Variants in OR7D4 observed in about 807,000 individuals in gnomAD.
OR7D4 encodes olfactory receptor 7D4.
For synonymous variants in OR7D4, 154 were observed against 158.4 expected (o/e 0.97, Z 0.21); for missense variants, 319 against 377.1 (o/e 0.85, Z 1.27).
intron 1 of OR7D4, among the ~76,000 whole-genome samples, chr19:9,218,772 G>A (rs1371937032): frequency 1.3e-5 from 2 of 152,164 alleles, no homozygotes; most frequent in African/African-American, 2.4e-5. Context: ...GGGATTGCAG[G>A]TGTAAGCTAA....
rs2051172678 is a variant in OR7D4, at chr19:9,211,609, C to G, written c.*2290G>C. 6.6e-6 allele frequency: 1 copy of G among 152,030 alleles called. No homozygotes were observed. The highest frequency in any genetic ancestry group is 2.4e-5 in the African/African-American group (1 of 41,386). 9.4% of individuals were successfully genotyped at this position (152,030 alleles called of 1,614,324 possible). A position where few individuals can be genotyped will look rare whatever the true frequency, so the allele number is the denominator to read the frequency against. On this transcript the variant is annotated 3_prime_UTR_variant, in exon 2 of 2. Transcript: ENST00000641669. ...CCTGTAATCCCAGCACTTTGGGAGG[C>G]CGAGGCGGGTGGATCACGAGGTCAG...
Position 9,214,003 on chromosome 19 carries a change from C to T in OR7D4, c.835G>A (p.Ala279Thr), listed in dbSNP as rs745735771. 7.4e-6 allele frequency: 12 copies of T among 1,614,030 alleles called. No homozygotes were observed. The highest frequency in any genetic ancestry group is 6.7e-5 in the Admixed American group (4 of 59,998). ...QSSSTASVMY[A>T]MVTPMLNPFI... Reference sequence around the variant, plus strand: ...GGGTTCAGCATGGGGGTGACCATGGCGTACATCACTGAGGCGGTGGAGCTG... The same window carrying T: ...GGGTTCAGCATGGGGGTGACCATGGTGTACATCACTGAGGCGGTGGAGCTG... The change falls in exon 2 of 2, where the codon GCC becomes ACC. Residue 279 changes from alanine (A) to threonine (T), a missense_variant. Transcript: ENST00000641669.
At position 9,212,745 on chromosome 19, in the gene OR7D4, T is replaced by A. The variant is rs1429403971; in HGVS notation, c.*1154A>T. 6.6e-6 allele frequency: 1 copy of A among 152,110 alleles called. No individual in the cohort carries two copies. The highest frequency in any genetic ancestry group is 2.4e-5 in the African/African-American group (1 of 41,382). The allele number at this position is 152,110 out of a possible 1,614,324, so 9.4% of individuals were successfully genotyped here. On this transcript the variant is annotated 3_prime_UTR_variant, in exon 2 of 2. Transcript: ENST00000641669. The stretch of plus-strand genomic sequence containing the variant: ...GAAGTTGAAAATCACATTATCATTC[T>A]TTGCTTTTGTGTTTGTTTTTGGTTT...
intron 1 of OR7D4, among the ~76,000 whole-genome samples, chr19:9,215,218 C>T (rs561950440): frequency 1.3e-5 from 2 of 151,998 alleles, no homozygotes; most frequent in Non-Finnish European, 2.9e-5. Flanking sequence ...TGGAGTGCAC[C>T]TGTAATCCCA....
Position 9,210,686 on chromosome 19 carries a change from T to TCACACACA in OR7D4, c.*3205_*3212dup, listed in dbSNP as rs141744966. On this transcript the variant is annotated 3_prime_UTR_variant, in exon 2 of 2. Transcript: ENST00000641669. ...TCATTAAAGAATTTACTAGGTGATCTCACACACACACACACACACACAACA... is the reference window on the plus strand; with the variant it reads ...TCATTAAAGAATTTACTAGGTGATCTCACACACACACACACACACACACACACACAACA... 0.062 allele frequency: 9,299 copies of TCACACACA among 149,796 alleles called. 447 individuals carry two copies. The highest frequency in any genetic ancestry group is 0.13 in the African/African-American group (5,443 of 40,750). The allele number at this position is 149,796 out of a possible 1,614,324, so 9.3% of individuals were successfully genotyped here.
intron 1 of OR7D4, among the ~76,000 whole-genome samples, chr19:9,218,246 C>T (rs1038223816): frequency 6.7e-6 from 1 of 149,116 alleles, no homozygotes; most frequent in African/African-American, 2.5e-5. Flanking sequence ...TGAATATAGA[C>T]ATAAATTTAA....
At position 9,213,702 on chromosome 19, in the gene OR7D4, C is replaced by T; in HGVS notation, c.*197G>A. 1.8e-6 allele frequency: 1 copy of T among 564,534 alleles called. No homozygotes were observed. 35.0% of individuals were successfully genotyped at this position (564,534 alleles called of 1,614,324 possible). On this transcript the variant is annotated 3_prime_UTR_variant, in exon 2 of 2. Transcript: ENST00000641669. ...GCAGTGAGCCAAGATTGCACCACTG[C>T]ACTCTAGCCTGGGCGACAGAGCCAG... is the stretch of plus-strand genomic sequence containing the variant.
chr19:9,214,140 C>G lies in OR7D4; in HGVS notation c.698G>C (p.Gly233Ala). 6.2e-7 allele frequency: 1 copy of G among 1,614,056 alleles called. No homozygotes were observed. Residue 233 changes from glycine to alanine, a missense_variant, in exon 2 of 2, where the codon GGC becomes GCC. By Grantham distance (60) the Gly-to-Ala change is moderately conservative. Coordinates refer to ENST00000641669, the MANE Select transcript of OR7D4 (RefSeq NM_001005191.3). ...ACAGGTGGAAAAGGCTTTGTACTTG[C>G]CCTTGGTGGAGGACATTCCCATTAA... The part of the protein sequence containing the change: ...SSLMGMSSTK[G>A]KYKAFSTCGS...
intron 1 of OR7D4, among the ~76,000 whole-genome samples, chr19:9,216,313 C>T (rs562750954): frequency 6.6e-6 from 1 of 152,288 alleles, no homozygotes; most frequent in South Asian, 2.1e-4. Context: ...TTGACCTTCT[C>T]TATAGGCACT....
intron 1 of OR7D4, 160 bp from the exon 2 acceptor site, chr19:9,215,010 T>G (rs2146008405): frequency 6.8e-6 from 4 of 587,810 alleles, no homozygotes; most frequent in African/African-American, 3.7e-5. Flanking sequence ...ATTTTTATTC[T>G]ATTTGTGTAG....
chr19:9,213,296 G>A lies in OR7D4; in HGVS notation c.*603C>T, dbSNP rs1407041955. On this transcript the variant is annotated 3_prime_UTR_variant, in exon 2 of 2. Transcript: ENST00000641669. ...TCAAATTAGAAGTCTCAGAAAGAGT[G>A]GTAAGAAAACTGATCAAAGATGGAA... 3 of 152,112 alleles carry A rather than the reference G, an allele frequency of 2.0e-5. No homozygotes were observed. The highest frequency in any genetic ancestry group is 7.3e-5 in the African/African-American group (3 of 41,302). 9.4% of individuals were successfully genotyped at this position (152,112 alleles called of 1,614,324 possible). A position where few individuals can be genotyped will look rare whatever the true frequency, so the allele number is the denominator to read the frequency against.
At chr19:9,217,383 A>T (rs77920156) in intron 1 of OR7D4, among the ~76,000 whole-genome samples, 1 of 152,226 alleles carries the variant, frequency 6.6e-6, no homozygotes, top group Non-Finnish European at 1.5e-5. Context: ...TTCATGATGG[A>T]AAAAAGGTTG....
intron 1 of OR7D4, among the ~76,000 whole-genome samples, chr19:9,216,457 A>C (rs1387928505): frequency 2.0e-5 from 3 of 152,084 alleles, no homozygotes; most frequent in Non-Finnish European, 4.4e-5. Flanking sequence ...CAGCTACCTC[A>C]CCTCCATAGT....
At chr19:9,215,361 A>AC (rs1226891285) in intron 1 of OR7D4, among the ~76,000 whole-genome samples, 8 of 147,588 alleles carry the variant, frequency 5.4e-5, no homozygotes, top group African/African-American at 1.8e-4. Flanking sequence ...AAAAAAAAAA[A>AC]AAAACCTCTT....
rs2051167308 is a variant in OR7D4 at position 9,210,668 on chromosome 19, A to G, written c.*3231T>C. On this transcript the variant is annotated 3_prime_UTR_variant, in exon 2 of 2. Coordinates refer to ENST00000641669, the MANE Select transcript of OR7D4 (RefSeq NM_001005191.3). ...GCCAAAAGAAAGTACATTTCATTAAAGAATTTACTAGGTGATCTCACACAC... is the reference window on the plus strand; with the variant it reads ...GCCAAAAGAAAGTACATTTCATTAAGGAATTTACTAGGTGATCTCACACAC... 1 of 142,818 alleles carries G rather than the reference A, an allele frequency of 7.0e-6. No individual in the cohort carries two copies. Among genetic ancestry groups the G allele is most frequent in the Non-Finnish European group, 1.5e-5 (1 of 66,734 alleles). 8.8% of individuals were successfully genotyped at this position (142,818 alleles called of 1,614,324 possible). A position where few individuals can be genotyped will look rare whatever the true frequency, so the allele number is the denominator to read the frequency against.
rs997567557 is a variant in OR7D4, at chr19:9,212,178, A to G, written c.*1721T>C. On this transcript the variant is annotated 3_prime_UTR_variant, in exon 2 of 2. Coordinates refer to ENST00000641669, the MANE Select transcript of OR7D4 (RefSeq NM_001005191.3). ...AGAATGAGGTATTCATCCCTCAACT[A>G]TTTATCTTTAGAGTTACAAACAATG... 2.6e-5 allele frequency: 4 copies of G among 152,142 alleles called. No homozygotes were observed. Among genetic ancestry groups the G allele is most frequent in the African/African-American group, 9.7e-5 (4 of 41,424 alleles). The allele number at this position is 152,142 out of a possible 1,614,324, so 9.4% of individuals were successfully genotyped here. A position where few individuals can be genotyped will look rare whatever the true frequency, so the allele number is the denominator to read the frequency against.
At chr19:9,215,361 A>AAAAC (rs2051204564) in intron 1 of OR7D4, among the ~76,000 whole-genome samples, 1 of 147,542 alleles carries the variant, frequency 6.8e-6, no homozygotes. Flanking sequence ...AAAAAAAAAA[A>AAAAC]AAAACCTCTT....
In OR7D4 at chr19:9,214,829, T is replaced by C; in HGVS notation, c.9A>G (p.Ala3=). ME[A]ENLTELSKFL... The stretch of plus-strand genomic sequence containing the variant: ...ATTTTGATAATTCTGTAAGGTTTTC[T>C]GCTTCCATGTAGCTGTTGTGTCTGC... The change falls in exon 2 of 2, where the codon GCA becomes GCG. Residue 3 remains alanine (A), a synonymous_variant. Coordinates refer to ENST00000641669, the MANE Select transcript of OR7D4 (RefSeq NM_001005191.3). The C allele has an allele frequency of 6.3e-7, 1 of 1,596,936 alleles. No individual in the cohort carries two copies. The highest frequency in any genetic ancestry group is 8.5e-7 in the Non-Finnish European group (1 of 1,171,668).
chr19:9,213,426 T>G lies in OR7D4; in HGVS notation c.*473A>C, dbSNP rs547169959. ...AAAGCAAAATCATAGTTGTTTTTGA[T>G]TAAAAAAAAAAAGAAAAGAAAGAAA... is the stretch of plus-strand genomic sequence containing the variant. On this transcript the variant is annotated 3_prime_UTR_variant, in exon 2 of 2. Transcript: ENST00000641669. The G allele has an allele frequency of 2.7e-5, 4 of 149,988 alleles. No homozygotes were observed. The highest frequency in any genetic ancestry group is 5.9e-5 in the Non-Finnish European group (4 of 68,222). The allele number at this position is 149,988 out of a possible 1,614,324, so 9.3% of individuals were successfully genotyped here.
Sources: gnomAD v4.1 joint callset for allele counts (sites outside exome capture counted in the v4.1 genomes callset) on GRCh38, gnomAD v4.1.1 for gene constraint, MANE v1.5 for transcripts, NCBI Gene and HGNC (gene_info 2026-07-23, HGNC 2026-07-21) for gene names.